MAN2B2: variants seen among roughly 807,000 people sequenced by gnomAD.
The protein encoded by MAN2B2 is mannosidase alpha class 2B member 2, also known as epididymis-specific alpha-mannosidase.
In MAN2B2, 106 loss-of-function variants were observed where a neutral mutation model predicts 117.1. The ratio of observed to expected loss-of-function variants is 0.90; its 90% CI spans 0.77 to 1.06. The LOEUF (loss-of-function observed/expected upper bound fraction) is 1.06, where lower values mean the gene tolerates loss of function less well. Among genes scored for constraint, MAN2B2 ranks in the 50% least tolerant of loss-of-function variants. MAN2B2 has a pLI of 0.00. For missense variants in MAN2B2, 1,326 were observed against 1,381.4 expected, an observed-to-expected ratio of 0.96 and a Z score of 0.64; for synonymous variants, 544 against 595.1, an observed-to-expected ratio of 0.91 and a Z score of 1.25.
chr4:6,591,699 A>AT (rs1384828102), intron 5 of MAN2B2, among the ~76,000 whole-genome samples: 3 of 152,046 alleles, frequency 2.0e-5, no homozygotes, highest in African/African-American at 7.2e-5. Flanking sequence ...AGCACATGGG[A>AT]TTTTAGCCTC....
chr4:6,596,657 C>T (rs888757328), intron 7 of MAN2B2, among the ~76,000 whole-genome samples: 1 of 152,142 alleles, frequency 6.6e-6, no homozygotes, highest in African/African-American at 2.4e-5. Flanking sequence ...GAAACGCATG[C>T]CTGTCCTGGC....
chr4:6,618,180 C>G (rs975763409), intron 17 of MAN2B2: 1 of 152,208 alleles, frequency 6.6e-6, no homozygotes, highest in Non-Finnish European at 1.5e-5. Flanking sequence ...GAGACACGGT[C>G]TTGCTGTGTT....
chr4:6,578,135 G>A (rs1232895806), intron 2 of MAN2B2, among the ~76,000 whole-genome samples: 1 of 152,132 alleles, frequency 6.6e-6, no homozygotes, highest in Non-Finnish European at 1.5e-5. Context: ...CTAAAGTTTA[G>A]AATTAGTTAA....
At chr4:6,579,207 C>T (rs1577269791) in intron 3 of MAN2B2, among the ~76,000 whole-genome samples, 1 of 94,898 alleles carries the variant, frequency 1.1e-5, no homozygotes, top group Non-Finnish European at 2.2e-5. Flanking sequence ...ACCACCATCA[C>T]CATCACCACC....
chr4:6,604,263 G>A (rs1016811422), intron 10 of MAN2B2, among the ~76,000 whole-genome samples: 2 of 152,136 alleles, frequency 1.3e-5, no homozygotes, highest in African/African-American at 4.8e-5. Context: ...CAAGAGTCTC[G>A]AAAAGCTTGC....
rs1712181015 is a variant in MAN2B2, at chr4:6,621,657, G to T, written c.*372G>T. On this transcript the variant is annotated 3_prime_UTR_variant, in exon 19 of 19. Coordinates refer to ENST00000285599, the MANE Select transcript of MAN2B2 (RefSeq NM_015274.3). ...GCATCTGCCGTCCGGGCCCTGCCAG[G>T]CTTGCCAGGCTGCCAGTGGTAACTG... 2 of 174,972 alleles carry T rather than the reference G, an allele frequency of 1.1e-5. No homozygotes were observed. The highest frequency in any genetic ancestry group is 1.3e-4 in the Admixed American group (2 of 15,998). The allele number at this position is 174,972 out of a possible 1,614,324, so 10.8% of individuals were successfully genotyped here.
intron 7 of MAN2B2, 88 bp from the exon 8 acceptor site, chr4:6,597,025 C>A: frequency 1.5e-6 from 2 of 1,344,250 alleles, no homozygotes; most frequent in Non-Finnish European, 2.1e-6. Flanking sequence ...GCCTCTGCAG[C>A]CCCAGCTTCT....
chr4:6,596,318 C>A (rs1457453972), intron 7 of MAN2B2, among the ~76,000 whole-genome samples: 2 of 152,090 alleles, frequency 1.3e-5, no homozygotes, highest in East Asian at 3.9e-4. Context: ...CTGTGGAGGA[C>A]CCCATCTGAC....
chr4:6,609,076 G>T (rs775908579), intron 11 of MAN2B2, 31 bp from the exon 12 acceptor site: 1 of 1,593,954 alleles, frequency 6.3e-7, no homozygotes, highest in South Asian at 1.1e-5. Context: ...TGCAGGATGA[G>T]AATGACATCT....
At chr4:6,610,153 G>C (rs1577292852) in intron 13 of MAN2B2, 103 bp downstream of exon 13, 1 of 1,482,984 alleles carries the variant, frequency 6.7e-7, no homozygotes, top group East Asian at 2.3e-5. Context: ...CCTCCAGTGA[G>C]AATGTTTTTT....
intron 17 of MAN2B2, 95 bp downstream of exon 17, chr4:6,617,587 C>A: frequency 1.3e-6 from 2 of 1,557,438 alleles, no homozygotes. Context: ...TCCACGAGGG[C>A]TTCCTCCCAA....
chr4:6,599,572 A>T (rs1727243692), intron 9 of MAN2B2, among the ~76,000 whole-genome samples: 2 of 151,276 alleles, frequency 1.3e-5, no homozygotes, highest in African/African-American at 4.9e-5. Flanking sequence ...CTGAGGCAGG[A>T]GAATGGCGTG....
intron 9 of MAN2B2, among the ~76,000 whole-genome samples, chr4:6,599,034 C>T (rs1172496777): frequency 1.3e-5 from 2 of 152,248 alleles, no homozygotes; most frequent in Non-Finnish European, 2.9e-5. Flanking sequence ...CCGCATGAGA[C>T]TTTTGTGTGC....
chr4:6,617,142 A>G (rs1711918331), intron 16 of MAN2B2, among the ~76,000 whole-genome samples: 1 of 152,124 alleles, frequency 6.6e-6, no homozygotes, highest in African/African-American at 2.4e-5. Flanking sequence ...TCACAAGAAC[A>G]GCACAGGAAA....
chr4:6,611,399 T>A, intron 15 of MAN2B2, 121 bp downstream of exon 15: 1 of 981,644 alleles, frequency 1.0e-6, no homozygotes, highest in Non-Finnish European at 1.5e-6. Context: ...GGAAGCGACC[T>A]CAGGGACCTC....
intron 10 of MAN2B2, among the ~76,000 whole-genome samples, chr4:6,603,663 C>A (rs1351973976): frequency 1.3e-5 from 2 of 152,086 alleles, no homozygotes; most frequent in Non-Finnish European, 2.9e-5. Context: ...ACCAAACAGA[C>A]AAAATCCCAC....
chr4:6,589,175 G>T lies in MAN2B2; in HGVS notation c.680+15G>T, dbSNP rs187277833. 2,203 of 1,587,796 alleles carry T rather than the reference G, an allele frequency of 1.4e-3. 10 individuals are homozygous for T. The highest frequency in any genetic ancestry group is 1.2e-3 in the Non-Finnish European group (1,373 of 1,156,078). On this transcript the variant is annotated intron_variant, in intron 5 of 18. Coordinates refer to ENST00000285599, the MANE Select transcript of MAN2B2 (RefSeq NM_015274.3). ...TTCTCCAACAGGTACGTGCCCTTCC[G>T]CAGTGCCTTTGGGATCTCAGACAGC...
intron 3 of MAN2B2, among the ~76,000 whole-genome samples, chr4:6,585,819 G>A (rs997623364): frequency 3.3e-5 from 5 of 152,234 alleles, no homozygotes; most frequent in East Asian, 1.9e-4. Context: ...TCAGTTCCTC[G>A]CCATGTGACT....
At chr4:6,610,330 T>A (rs1727723002) in intron 13 of MAN2B2, among the ~76,000 whole-genome samples, 1 of 152,076 alleles carries the variant, frequency 6.6e-6, no homozygotes, top group African/African-American at 2.4e-5. Context: ...CTAATTTTTA[T>A]ATTTTTAGTA....
Sources: gnomAD v4.1 joint callset for allele counts (sites outside exome capture counted in the v4.1 genomes callset) on GRCh38, gnomAD v4.1.1 for gene constraint, MANE v1.5 for transcripts, NCBI Gene and HGNC (gene_info 2026-07-23, HGNC 2026-07-21) for gene names.